CABLES1: variants seen among roughly 807,000 people sequenced by gnomAD.
The protein encoded by CABLES1 is Cdk5 and Abl enzyme substrate 1, also known as CDK5 and ABL1 enzyme substrate 1.
Under a neutral mutation model 57.8 loss-of-function variants are expected in CABLES1, and 36 were observed. The observed-to-expected ratio is 0.62, with a 90% CI of 0.48 to 0.82. The LOEUF (loss-of-function observed/expected upper bound fraction) is 0.82. Ranked by LOEUF, CABLES1 falls within the 40% of genes least tolerant of loss-of-function variation. The pLI is 0.00. For synonymous variants in CABLES1, 374 were observed against 363.0 expected, an observed-to-expected ratio of 1.03 and a Z score of -0.35; for missense variants, 767 against 836.6, an observed-to-expected ratio of 0.92 and a Z score of 1.03.
chr18:23,198,894 CT>C (rs2047303742), intron 3 of CABLES1, among the ~76,000 whole-genome samples: 1 of 152,226 alleles, frequency 6.6e-6, no homozygotes, highest in Non-Finnish European at 1.5e-5. Flanking sequence ...AAGTCACTAA[CT>C]TTGTGGCAGT....
At chr18:23,160,871 T>C (rs1415911941) in intron 1 of CABLES1, among the ~76,000 whole-genome samples, 1 of 151,914 alleles carries the variant, frequency 6.6e-6, no homozygotes, top group Non-Finnish European at 1.5e-5. Context: ...CCGTCTCTAC[T>C]AAAATACAAA....
chr18:23,209,791 G>A (rs982006130), intron 3 of CABLES1, among the ~76,000 whole-genome samples: 3 of 101,602 alleles, frequency 3.0e-5, no homozygotes, highest in Admixed American at 1.1e-4. Flanking sequence ...CTTGAGGACC[G>A]TGGCTGGTGA....
intron 1 of CABLES1, among the ~76,000 whole-genome samples, chr18:23,174,737 G>A (rs2144995411): frequency 6.7e-6 from 1 of 149,618 alleles, no homozygotes; most frequent in South Asian, 2.1e-4. Flanking sequence ...CTCCCAAAGT[G>A]CTGGGATTAC....
intron 1 of CABLES1, among the ~76,000 whole-genome samples, chr18:23,160,286 C>T (rs1479948351): frequency 6.6e-6 from 1 of 152,158 alleles, no homozygotes. Flanking sequence ...ACCTCAGCCT[C>T]CCAAAGTGCT....
chr18:23,161,025 T>C (rs1290179215), intron 1 of CABLES1, among the ~76,000 whole-genome samples: 1 of 148,804 alleles, frequency 6.7e-6, no homozygotes, highest in Non-Finnish European at 1.5e-5. Context: ...ACTGACACAG[T>C]GAGACTCAAA....
At chr18:23,195,057 G>A in intron 3 of CABLES1, among the ~76,000 whole-genome samples, 1 of 152,176 alleles carries the variant, frequency 6.6e-6, no homozygotes, top group East Asian at 1.9e-4. Flanking sequence ...GCCAACATCT[G>A]GAGTATGTGT....
Position 23,212,738 on chromosome 18 carries a change from C to T in CABLES1, c.1011-1239C>T, listed in dbSNP as rs1367520757. On this transcript the variant is annotated intron_variant, in intron 3 of 9. Coordinates refer to ENST00000256925, the MANE Select transcript of CABLES1 (RefSeq NM_001100619.3). ...TGGATCACATCCGTGCCCTCCTGGA[C>T]GTCTGAATGGGGAATTGGAGACAGC... 4.6e-5 allele frequency among the ~76,000 whole-genome samples: 7 copies of T among 151,876 alleles called. No homozygotes were observed. The East Asian group carries it at 5.8e-4, about 13-fold the overall frequency.
chr18:23,253,105 A>C, intron 8 of CABLES1, 39 bp downstream of exon 8: 1 of 1,149,234 alleles, frequency 8.7e-7, no homozygotes, highest in African/African-American at 1.5e-5. Flanking sequence ...TTTCCCTGCA[A>C]ACCCCTCTTT....
At chr18:23,188,716 T>C (rs1568059990) in intron 1 of CABLES1, 122 bp from the exon 2 acceptor site, 3 of 744,688 alleles carry the variant, frequency 4.0e-6, no homozygotes, top group Non-Finnish European at 7.1e-6. Context: ...GAGACAGCTT[T>C]TGTCTGATCT....
At chr18:23,235,572 G>A (rs56748812) in intron 5 of CABLES1, among the ~76,000 whole-genome samples, 5,318 of 152,272 alleles carry the variant, frequency 0.035, 222 homozygotes, top group African/African-American at 0.1. Context: ...GCAATGCAGC[G>A]TGTGCCTTGT....
chr18:23,178,640 TG>T (rs1293637966), intron 1 of CABLES1, among the ~76,000 whole-genome samples: 1 of 152,202 alleles, frequency 6.6e-6, no homozygotes, highest in Non-Finnish European at 1.5e-5. Context: ...AGGACAGCAG[TG>T]GGCAGGGTAG....
chr18:23,229,915 C>G (rs376601774), intron 4 of CABLES1, among the ~76,000 whole-genome samples: 4 of 152,144 alleles, frequency 2.6e-5, no homozygotes, highest in Non-Finnish European at 4.4e-5. Context: ...GGGTCAAGTA[C>G]GACCAAAGAA....
Position 23,167,218 on chromosome 18 carries a change from T to TA in CABLES1, c.846-21610dup, listed in dbSNP as rs535741240. On this transcript the variant is annotated intron_variant, in intron 1 of 9. Transcript: ENST00000256925. ...ATTCTGCATCTTTTTTTATTAAATT[T>TA]AAAAAAAAAATGAAAACTTTCCAGG... 4.5e-3 allele frequency among the ~76,000 whole-genome samples: 676 copies of TA among 150,682 alleles called. 4 individuals are homozygous for TA. The highest frequency in any genetic ancestry group is 0.019 in the South Asian group (88 of 4,734).
rs147727218 is a variant in CABLES1, at chr18:23,215,400, C to T, written c.1088+1346C>T. On this transcript the variant is annotated intron_variant, in intron 4 of 9. Coordinates refer to ENST00000256925, the MANE Select transcript of CABLES1 (RefSeq NM_001100619.3). ...AGAGGCCAGTTAATTCATCTTATTACAAGTAGTAGCCGAAGGGCCCAGAAT... is the reference window on the plus strand; with the variant it reads ...AGAGGCCAGTTAATTCATCTTATTATAAGTAGTAGCCGAAGGGCCCAGAAT... Among the ~76,000 whole-genome samples, 669 of 152,290 alleles carry T rather than the reference C, an allele frequency of 4.4e-3. 6 individuals are homozygous for T. The highest frequency in any genetic ancestry group is 0.016 in the African/African-American group (649 of 41,562).
intron 3 of CABLES1, among the ~76,000 whole-genome samples, chr18:23,205,546 G>A (rs953084286): frequency 1.3e-5 from 2 of 152,004 alleles, no homozygotes; most frequent in African/African-American, 4.8e-5. Flanking sequence ...CCTTACCTTA[G>A]CCCCCAAAAT....
intron 1 of CABLES1, among the ~76,000 whole-genome samples, chr18:23,171,073 G>A (rs2047079022): frequency 6.6e-6 from 1 of 152,240 alleles, no homozygotes; most frequent in Non-Finnish European, 1.5e-5. Flanking sequence ...TGGGATTGTA[G>A]GCGTGAGCCA....
intron 7 of CABLES1, among the ~76,000 whole-genome samples, chr18:23,242,151 G>A (rs931018588): frequency 1.2e-4 from 19 of 152,106 alleles, no homozygotes; most frequent in African/African-American, 4.3e-4. Flanking sequence ...AGTGGCAGGC[G>A]CCTGTAATCC....
At chr18:23,218,159 C>T (rs1395381469) in intron 4 of CABLES1, among the ~76,000 whole-genome samples, 1 of 152,222 alleles carries the variant, frequency 6.6e-6, no homozygotes, top group Non-Finnish European at 1.5e-5. Flanking sequence ...GGTACTTGAG[C>T]CTCCTTCCCA....
intron 1 of CABLES1, among the ~76,000 whole-genome samples, chr18:23,149,165 A>T (rs2046911482): frequency 6.6e-6 from 1 of 152,136 alleles, no homozygotes; most frequent in Non-Finnish European, 1.5e-5. Flanking sequence ...AAGTGCTGGG[A>T]TTGCAGAGGT....
Sources: gnomAD v4.1 joint callset for allele counts (sites outside exome capture counted in the v4.1 genomes callset) on GRCh38, gnomAD v4.1.1 for gene constraint, MANE v1.5 for transcripts, NCBI Gene and HGNC (gene_info 2026-07-23, HGNC 2026-07-21) for gene names.